The following CAMTA1 variants were observed in gnomAD, a reference collection of about 807,000 sequenced individuals.
The protein encoded by CAMTA1 is calmodulin-binding transcription activator 1.
Under a neutral mutation model 170.9 loss-of-function variants are expected in CAMTA1, and 27 were observed. The observed-to-expected ratio is 0.16, with a 90% CI of 0.12 to 0.22. The LOEUF is 0.22. Ranked by LOEUF, CAMTA1 falls within the 10% of genes least tolerant of loss-of-function variation. The pLI is 1.00. For missense variants in CAMTA1, 1,619 were observed against 2,217.2 expected (o/e 0.73, Z 5.42); for synonymous variants, 833 against 891.5 (o/e 0.93, Z 1.17).
intron 3 of CAMTA1, among the ~76,000 whole-genome samples, chr1:6,856,283 T>C (rs1662332856): frequency 6.6e-6 from 1 of 151,970 alleles, no homozygotes; most frequent in South Asian, 2.1e-4. Flanking sequence ...CAGTGTTTTT[T>C]TTTTTTTTTC....
At chr1:6,786,961 A>C (rs1282555152) in intron 1 of CAMTA1, among the ~76,000 whole-genome samples, 1 of 152,080 alleles carries the variant, frequency 6.6e-6, no homozygotes, top group African/African-American at 2.4e-5. Flanking sequence ...ACACTACCTC[A>C]CTGGGAAAAG....
chr1:7,218,698 G>A (rs993740719), intron 4 of CAMTA1, among the ~76,000 whole-genome samples: 6 of 151,998 alleles, frequency 3.9e-5, no homozygotes, highest in African/African-American at 1.5e-4. Context: ...TCAGGTAATT[G>A]TAATTTATTC....
chr1:7,577,804 T>A (rs185607303), intron 6 of CAMTA1, among the ~76,000 whole-genome samples: 2 of 152,316 alleles, frequency 1.3e-5, no homozygotes, highest in Admixed American at 6.5e-5. Flanking sequence ...AGAGGCAATA[T>A]ATCGATGAAT....
intron 4 of CAMTA1, among the ~76,000 whole-genome samples, chr1:7,101,455 G>A (rs760464663): frequency 2.8e-4 from 43 of 152,212 alleles, no homozygotes; most frequent in Non-Finnish European, 5.0e-4. Flanking sequence ...TTCTCCCCCT[G>A]TGCTGTTTGG....
intron 3 of CAMTA1, among the ~76,000 whole-genome samples, chr1:6,961,974 C>T (rs372329915): frequency 1.3e-5 from 2 of 152,196 alleles, no homozygotes; most frequent in East Asian, 1.9e-4. Context: ...GCCAGTCCAG[C>T]GTCTTCCGGT....
intron 3 of CAMTA1, among the ~76,000 whole-genome samples, chr1:6,909,826 C>T (rs377182192): frequency 5.9e-5 from 9 of 152,308 alleles, no homozygotes; most frequent in Admixed American, 1.3e-4. Flanking sequence ...CTGGGTCTCC[C>T]GGTTTTCAGG....
intron 4 of CAMTA1, among the ~76,000 whole-genome samples, chr1:7,168,471 C>T (rs537632289): frequency 1.8e-4 from 27 of 152,154 alleles, no homozygotes; most frequent in Non-Finnish European, 2.9e-4. Flanking sequence ...GGCACGATCT[C>T]GGCTCGCTGC....
rs146612848 is a variant in CAMTA1 at position 7,624,857 on chromosome 1, G to T, written c.511-15543G>T. The stretch of plus-strand genomic sequence containing the variant: ...AGAGACACAGAGGACTGTCAGGGGA[G>T]TCCCAAAGGGAATGAAATTATTTTG... On this transcript the variant is annotated intron_variant, in intron 6 of 22. Transcript: ENST00000303635. 3.7e-3 allele frequency among the ~76,000 whole-genome samples: 568 copies of T among 152,346 alleles called. 3 individuals carry two copies. Among genetic ancestry groups the T allele is most frequent in the African/African-American group, 0.012 (508 of 41,582 alleles).
intron 3 of CAMTA1, among the ~76,000 whole-genome samples, chr1:6,902,039 T>TCACACACACACACACACACACA (rs536174579): frequency 8.7e-6 from 1 of 114,344 alleles, no homozygotes; most frequent in African/African-American, 3.5e-5. Context: ...GGTGAGACTG[T>TCACACACACACACACACACACA]CACACACACA....
chr1:7,132,249 A>G (rs371156557), intron 4 of CAMTA1, among the ~76,000 whole-genome samples: 59 of 152,346 alleles, frequency 3.9e-4, no homozygotes, highest in East Asian at 1.9e-3. Flanking sequence ...GAGAATTGAC[A>G]TCTTAATAAT....
intron 1 of CAMTA1, among the ~76,000 whole-genome samples, chr1:6,810,021 C>T (rs1016479657): frequency 6.6e-6 from 1 of 152,172 alleles, no homozygotes; most frequent in Non-Finnish European, 1.5e-5. Context: ...AAAGAAACCA[C>T]TGTGGCCTGA....
rs1412915414 is a variant in CAMTA1, at chr1:7,463,513, T to G, written c.439-4317T>G. Among the ~76,000 whole-genome samples the G allele has an allele frequency of 7.0e-6, 1 of 143,654 alleles. No homozygotes were observed. The allele number at this position is 143,654 out of a possible 152,430, so 94.2% of individuals were successfully genotyped here. ...TGGAGAGAGAGAGAAAGAAAGAGAC[T>G]GAGAAAGAGATTGAGAGACAGGGAG... On this transcript the variant is annotated intron_variant, in intron 5 of 22. Transcript: ENST00000303635. The surrounding 1 kb of genome is among the most constrained non-coding windows in gnomAD (Gnocchi z 4.7).
At chr1:6,840,317 G>C (rs1394508582) in intron 3 of CAMTA1, among the ~76,000 whole-genome samples, 1 of 152,218 alleles carries the variant, frequency 6.6e-6, no homozygotes, top group Non-Finnish European at 1.5e-5. Context: ...CTTGGCTACT[G>C]TGTGGCAGTC....
chr1:7,309,513 A>G (rs1035649721), intron 5 of CAMTA1, among the ~76,000 whole-genome samples: 1 of 151,164 alleles, frequency 6.6e-6, no homozygotes, highest in Admixed American at 6.6e-5. Flanking sequence ...TTTAGCCGGG[A>G]TGGTCTCGAT....
intron 3 of CAMTA1, among the ~76,000 whole-genome samples, chr1:6,916,293 C>G (rs879521208): frequency 6.6e-6 from 1 of 152,128 alleles, no homozygotes; most frequent in Non-Finnish European, 1.5e-5. Context: ...GAAAGCTCAT[C>G]CGTTTTCCAA....
intron 1 of CAMTA1, among the ~76,000 whole-genome samples, chr1:6,792,113 C>T (rs1488080661): frequency 6.6e-6 from 1 of 151,924 alleles, no homozygotes; most frequent in Non-Finnish European, 1.5e-5. Flanking sequence ...ACCACCATGC[C>T]CGGCTAATTT....
At chr1:7,277,091 C>A (rs1468592710) in intron 5 of CAMTA1, among the ~76,000 whole-genome samples, 2 of 152,086 alleles carry the variant, frequency 1.3e-5, no homozygotes, top group African/African-American at 4.8e-5. Context: ...GAGTGATATA[C>A]CATGTTCATG....
intron 7 of CAMTA1, among the ~76,000 whole-genome samples, chr1:7,655,283 T>TAC (rs144411155): frequency 0.028 from 1,381 of 49,280 alleles, 28 homozygotes; most frequent in African/African-American, 0.076. Context: ...CACACCGTTA[T>TAC]ACACACACAC....
Position 7,562,913 on chromosome 1 carries a change from C to A in CAMTA1, c.511-77487C>A, listed in dbSNP as rs1429541097. On this transcript the variant is annotated intron_variant, in intron 6 of 22. Transcript: ENST00000303635. This position sits in a 1 kb window ranked among gnomAD's most constrained non-coding sequence, Gnocchi z 4.8. ...TCCCAGGGCCCCATGGGCTGTTTAG[C>A]CAGAGCTTGGGGCCCACCCACCCCA... Among the ~76,000 whole-genome samples, 1 of 152,190 alleles carries A rather than the reference C, an allele frequency of 6.6e-6. No individual in the cohort carries two copies. Among genetic ancestry groups the A allele is most frequent in the African/African-American group, 2.4e-5 (1 of 41,450 alleles).
Sources: allele counts gnomAD v4.1 joint callset (sites outside exome capture counted in the v4.1 genomes callset), GRCh38; gene constraint gnomAD v4.1.1; non-coding constraint Gnocchi (gnomAD v3.1); transcripts MANE v1.5; gene names NCBI Gene and HGNC (gene_info 2026-07-23, HGNC 2026-07-21).